LNPK: variants seen among roughly 807,000 people sequenced by gnomAD.
The protein encoded by LNPK is lunapark, ER junction formation factor, also known as endoplasmic reticulum junction formation protein lunapark.
In LNPK, 29 loss-of-function variants were observed where a neutral mutation model predicts 55.2. The observed-to-expected ratio is 0.53, with a 90% CI of 0.39 to 0.72. The LOEUF is 0.72. Ranked by LOEUF, LNPK falls within the 30% of genes least tolerant of loss-of-function variation. LNPK has a pLI of 0.00. For missense variants in LNPK, 467 were observed against 494.8 expected, an observed-to-expected ratio of 0.94 and a Z score of 0.53; for synonymous variants, 162 against 168.2, an observed-to-expected ratio of 0.96 and a Z score of 0.29.
At chr2:176,001,009 TA>T (rs1489645263) in intron 1 of LNPK, among the ~76,000 whole-genome samples, 2 of 152,208 alleles carry the variant, frequency 1.3e-5, no homozygotes, top group Non-Finnish European at 2.9e-5. Context: ...AATAGCCATA[TA>T]ACTTCTCCTT....
chr2:175,934,797 C>T (rs904415516), intron 12 of LNPK, among the ~76,000 whole-genome samples: 1 of 151,398 alleles, frequency 6.6e-6, no homozygotes, highest in Non-Finnish European at 1.5e-5. Flanking sequence ...AGCAAAAAGA[C>T]AATCTATATC....
chr2:175,979,597 T>TAA lies in LNPK; in HGVS notation c.316+211_316+212dup, dbSNP rs377096584. On this transcript the variant is annotated intron_variant, in intron 5 of 12. Coordinates refer to ENST00000272748, the MANE Select transcript of LNPK (RefSeq NM_030650.3). ...AAAAAAAAAAAAAGTTTGTTTTGTG[T>TAA]AAAAAAAAATCTAAATGAACAAGAT... 5.1e-3 allele frequency among the ~76,000 whole-genome samples: 767 copies of TAA among 150,884 alleles called. 8 individuals carry two copies. The highest frequency in any genetic ancestry group is 0.017 in the African/African-American group (706 of 41,056).
chr2:175,939,683 A>G, intron 9 of LNPK, 26 bp from the exon 10 acceptor site: 1 of 1,114,300 alleles, frequency 9.0e-7, no homozygotes, highest in Admixed American at 2.0e-5. Flanking sequence ...ATACATACAA[A>G]ATTTATATAC....
chr2:175,947,697 G>A lies in LNPK; in HGVS notation c.494-5C>T, dbSNP rs1685215244. ...CTGCAGTTCGCTGACGAATCTCTGA[G>A]AAGAGTAAGTACATACTAGACTTAA... On this transcript the variant is annotated splice_region_variant and splice_polypyrimidine_tract_variant and intron_variant, in intron 8 of 12. Coordinates refer to ENST00000272748, the MANE Select transcript of LNPK (RefSeq NM_030650.3). 1 of 1,605,168 alleles carries A rather than the reference G, an allele frequency of 6.2e-7. No homozygotes were observed. The highest frequency in any genetic ancestry group is 1.3e-5 in the African/African-American group (1 of 74,690).
rs1172431379 is a variant in LNPK, at chr2:175,925,669, C to CT, written c.*4297dup. ...CGTGGCAGATTCATTTTCTTTCTTT[C>CT]TTTTTTTTTTTTGAGATGGAGTTTC... On this transcript the variant is annotated 3_prime_UTR_variant, in exon 13 of 13. Coordinates refer to ENST00000272748, the MANE Select transcript of LNPK (RefSeq NM_030650.3). 3.3e-4 allele frequency: 49 copies of CT among 148,360 alleles called. No homozygotes were observed. The highest frequency in any genetic ancestry group is 5.9e-4 in the East Asian group (3 of 5,112). 9.2% of individuals were successfully genotyped at this position (148,360 alleles called of 1,614,324 possible). A position where few individuals can be genotyped will look rare whatever the true frequency, so the allele number is the denominator to read the frequency against.
intron 5 of LNPK, among the ~76,000 whole-genome samples, chr2:175,975,415 ACT>A (rs1376663654): frequency 6.6e-6 from 1 of 152,214 alleles, no homozygotes; most frequent in Non-Finnish European, 1.5e-5. Context: ...AACATTTACT[ACT>A]TTTAACAGTC....
At chr2:175,942,942 A>G (rs931678035) in intron 9 of LNPK, among the ~76,000 whole-genome samples, 26 of 151,178 alleles carry the variant, frequency 1.7e-4, no homozygotes, top group African/African-American at 5.8e-4. Context: ...AAAAAAGAAG[A>G]TACAAACTAT....
intron 8 of LNPK, among the ~76,000 whole-genome samples, chr2:175,953,624 C>T (rs1363692184): frequency 2.0e-5 from 3 of 151,798 alleles, no homozygotes; most frequent in African/African-American, 7.3e-5. Context: ...CCTGAATTAT[C>T]TCTCAAATCT....
chr2:175,957,164 C>G (rs1296525223), intron 8 of LNPK, among the ~76,000 whole-genome samples: 2 of 151,994 alleles, frequency 1.3e-5, no homozygotes, highest in African/African-American at 4.8e-5. Context: ...TTGAGACCAG[C>G]CTGGCTGACA....
chr2:175,988,679 A>G (rs1687550987), intron 4 of LNPK, among the ~76,000 whole-genome samples: 1 of 152,196 alleles, frequency 6.6e-6, no homozygotes, highest in Non-Finnish European at 1.5e-5. Context: ...GGTGTAAAAA[A>G]TAAGAATCAA....
intron 8 of LNPK, among the ~76,000 whole-genome samples, chr2:175,953,733 G>T (rs183730201): frequency 2.1e-5 from 3 of 143,346 alleles, no homozygotes; most frequent in East Asian, 4.0e-4. Context: ...CTATGGCTCA[G>T]TCATATTCTC....
In LNPK at chr2:175,985,967, A is replaced by ATTTT. The variant is rs757739254; in HGVS notation, c.258-6103_258-6100dup. Among the ~76,000 whole-genome samples, 152 of 152,148 alleles carry ATTTT rather than the reference A, an allele frequency of 1.0e-3. 1 individual carries two copies. Among genetic ancestry groups the ATTTT allele is most frequent in the Admixed American group, 1.6e-3 (24 of 15,252 alleles). ...GAGGGTACCTGCAACCTGCCTGTAC[A>ATTTT]TTTTTTTCTGCAACTTACTGTTAAT... is the stretch of plus-strand genomic sequence containing the variant. On this transcript the variant is annotated intron_variant, in intron 4 of 12. Coordinates refer to ENST00000272748, the MANE Select transcript of LNPK (RefSeq NM_030650.3).
chr2:175,939,756 A>G (rs1684727605), intron 9 of LNPK, 99 bp from the exon 10 acceptor site: 2 of 559,554 alleles, frequency 3.6e-6, no homozygotes, highest in Non-Finnish European at 6.2e-6. Context: ...AGAAATTTTA[A>G]AAGGTTTTAA....
At chr2:175,986,944 G>GA (rs1317114842) in intron 4 of LNPK, among the ~76,000 whole-genome samples, 1 of 89,454 alleles carries the variant, frequency 1.1e-5, no homozygotes, top group Non-Finnish European at 2.4e-5. Context: ...TTAGCCAAGA[G>GA]AAAAAAAATA....
At chr2:175,960,529 A>G (rs1245524571) in intron 8 of LNPK, among the ~76,000 whole-genome samples, 3 of 152,238 alleles carry the variant, frequency 2.0e-5, no homozygotes, top group Non-Finnish European at 2.9e-5. Context: ...AAGACACAAC[A>G]TATCAGAATC....
chr2:175,934,609 A>G (rs1395992281), intron 12 of LNPK, among the ~76,000 whole-genome samples: 1 of 152,082 alleles, frequency 6.6e-6, no homozygotes, highest in Admixed American at 6.6e-5. Flanking sequence ...GAAACCTAGT[A>G]CTCTAATGAT....
intron 8 of LNPK, among the ~76,000 whole-genome samples, chr2:175,961,560 A>C (rs1686030676): frequency 6.6e-6 from 1 of 152,188 alleles, no homozygotes. Context: ...TCTCAAAATA[A>C]TAAGAGCTAT....
In LNPK at chr2:175,928,540, A is replaced by G. The variant is rs1246742062; in HGVS notation, c.*1427T>C. ...AAAAAAAAAAAAAAAACTGTCACAT[A>G]TGAGATATTAAATCATAAAAATAGA... is the stretch of plus-strand genomic sequence containing the variant. On this transcript the variant is annotated 3_prime_UTR_variant, in exon 13 of 13. Coordinates refer to ENST00000272748, the MANE Select transcript of LNPK (RefSeq NM_030650.3). 3 of 150,668 alleles carry G rather than the reference A, an allele frequency of 2.0e-5. No homozygotes were observed. Among genetic ancestry groups the G allele is most frequent in the Non-Finnish European group, 4.4e-5 (3 of 67,672 alleles). The allele number at this position is 150,668 out of a possible 1,614,324, so 9.3% of individuals were successfully genotyped here.
intron 8 of LNPK, among the ~76,000 whole-genome samples, chr2:175,963,006 T>C (rs551032057): frequency 2.0e-5 from 3 of 148,476 alleles, no homozygotes; most frequent in African/African-American, 5.0e-5. Flanking sequence ...CACAATGAGA[T>C]ACCATCTCAC....
Sources: gnomAD v4.1 joint callset for allele counts (sites outside exome capture counted in the v4.1 genomes callset) on GRCh38, gnomAD v4.1.1 for gene constraint, MANE v1.5 for transcripts, NCBI Gene and HGNC (gene_info 2026-07-23, HGNC 2026-07-21) for gene names.